The following CCDC192 variants were observed in gnomAD, a reference collection of about 807,000 sequenced individuals.
The protein encoded by CCDC192 is coiled-coil domain containing 192.
intron 5 of CCDC192, among the ~76,000 whole-genome samples, chr5:127,821,832 G>C (rs1183004272): frequency 1.3e-5 from 2 of 152,178 alleles, no homozygotes; most frequent in African/African-American, 4.8e-5. Context: ...GTGGTACCCA[G>C]AAAGTGTGCA....
chr5:127,833,496 A>G (rs1369621560), intron 5 of CCDC192, among the ~76,000 whole-genome samples: 1 of 152,144 alleles, frequency 6.6e-6, no homozygotes, highest in African/African-American at 2.4e-5. Context: ...TGTTCCATGT[A>G]TCCTCCTTAT....
chr5:127,851,519 A>G (rs990309005), intron 5 of CCDC192, among the ~76,000 whole-genome samples: 1 of 152,100 alleles, frequency 6.6e-6, no homozygotes, highest in Non-Finnish European at 1.5e-5. Context: ...GTGCAGTGGC[A>G]TGATCTCAGC....
chr5:127,862,957 G>T (rs973635552), intron 5 of CCDC192, among the ~76,000 whole-genome samples: 4 of 149,128 alleles, frequency 2.7e-5, no homozygotes, highest in African/African-American at 9.8e-5. Context: ...AAGGAGGAAG[G>T]CTCTAAGTGA....
At chr5:127,880,946 C>T (rs1752328791) in intron 6 of CCDC192, among the ~76,000 whole-genome samples, 1 of 152,174 alleles carries the variant, frequency 6.6e-6, no homozygotes, top group South Asian at 2.1e-4. Context: ...CACCACTGCA[C>T]TCCAGCCTGG....
At chr5:127,733,578 G>A (rs1012524144) in intron 2 of CCDC192, among the ~76,000 whole-genome samples, 1 of 152,080 alleles carries the variant, frequency 6.6e-6, no homozygotes, top group African/African-American at 2.4e-5. Flanking sequence ...AAGAATTATT[G>A]GAAAATATTA....
chr5:127,841,248 C>G (rs1309278733), intron 5 of CCDC192, among the ~76,000 whole-genome samples: 1 of 152,116 alleles, frequency 6.6e-6, no homozygotes, highest in Non-Finnish European at 1.5e-5. Flanking sequence ...TTTTGAGGCT[C>G]AAGAGAACAA....
At chr5:127,766,640 A>G (rs1338253920) in intron 3 of CCDC192, among the ~76,000 whole-genome samples, 1 of 148,528 alleles carries the variant, frequency 6.7e-6, no homozygotes, top group East Asian at 2.0e-4. Flanking sequence ...AAAAAGTACG[A>G]ACTCTAAAGT....
At chr5:127,790,714 G>C (rs914335770) in intron 3 of CCDC192, among the ~76,000 whole-genome samples, 5 of 152,140 alleles carry the variant, frequency 3.3e-5, no homozygotes, top group African/African-American at 9.7e-5. Flanking sequence ...TAGGCATTCT[G>C]CCTAAATTCA....
chr5:127,900,248 T>C (rs915555342), intron 6 of CCDC192, among the ~76,000 whole-genome samples: 7 of 152,226 alleles, frequency 4.6e-5, no homozygotes, highest in African/African-American at 1.7e-4. Context: ...TGCTCCTTCC[T>C]TTTCCTGGAG....
chr5:127,765,441 A>T (rs1032155884), intron 3 of CCDC192, among the ~76,000 whole-genome samples: 3 of 152,256 alleles, frequency 2.0e-5, no homozygotes, highest in African/African-American at 7.2e-5. Context: ...ACAAATTAAT[A>T]AAAGCACTTT....
intron 5 of CCDC192, among the ~76,000 whole-genome samples, chr5:127,803,609 A>G (rs1757624890): frequency 6.6e-6 from 1 of 152,184 alleles, no homozygotes; most frequent in Non-Finnish European, 1.5e-5. Flanking sequence ...ATTAGCGGGT[A>G]TAAGTGCTTA....
In CCDC192 at chr5:127,886,730, T is replaced by C. The variant is rs112327367; in HGVS notation, c.535+11069T>C. ...GCAGGCTATTAGTAGTTCAGTTCAGTTTTGGGGGTGTCAAAAGTTGTATGT... is the reference window on the plus strand; with the variant it reads ...GCAGGCTATTAGTAGTTCAGTTCAGCTTTGGGGGTGTCAAAAGTTGTATGT... On this transcript the variant is annotated intron_variant, in intron 6 of 6. Transcript: ENST00000514853. 3.8e-3 allele frequency among the ~76,000 whole-genome samples: 583 copies of C among 152,232 alleles called. 2 individuals carry two copies. The highest frequency in any genetic ancestry group is 0.013 in the African/African-American group (550 of 41,544).
intron 2 of CCDC192, among the ~76,000 whole-genome samples, chr5:127,740,797 T>A (rs1022020058): frequency 6.6e-6 from 1 of 152,162 alleles, no homozygotes; most frequent in Non-Finnish European, 1.5e-5. Flanking sequence ...TTCTATCACT[T>A]TACTCATGAG....
At chr5:127,889,878 TA>T (rs899799457) in intron 6 of CCDC192, among the ~76,000 whole-genome samples, 1 of 131,508 alleles carries the variant, frequency 7.6e-6, no homozygotes, top group African/African-American at 2.8e-5. Flanking sequence ...AACAGTTTTA[TA>T]AATTTTTTTT....
At chr5:127,731,101 T>C (rs975537266) in intron 2 of CCDC192, among the ~76,000 whole-genome samples, 1 of 152,210 alleles carries the variant, frequency 6.6e-6, no homozygotes, top group African/African-American at 2.4e-5. Context: ...GACATGATCC[T>C]ATATCTAGAA....
chr5:127,826,260 A>G (rs1561509822), intron 5 of CCDC192, among the ~76,000 whole-genome samples: 1 of 152,182 alleles, frequency 6.6e-6, no homozygotes, highest in Non-Finnish European at 1.5e-5. Context: ...CAGGATGGCT[A>G]TGGTTAAAAA....
chr5:127,772,784 A>G (rs532635330), intron 3 of CCDC192, among the ~76,000 whole-genome samples: 1 of 152,348 alleles, frequency 6.6e-6, no homozygotes, highest in East Asian at 1.9e-4. Context: ...GACAAGGCCA[A>G]GCTCTCCTGA....
At chr5:127,865,557 A>C (rs1028629014) in intron 5 of CCDC192, among the ~76,000 whole-genome samples, 2 of 151,516 alleles carry the variant, frequency 1.3e-5, no homozygotes, top group African/African-American at 2.4e-5. Flanking sequence ...TTAGACTCTA[A>C]GGTTTTAACT....
chr5:127,766,608 T>TAAAAAAAAAAAAAAAA (rs548715145), intron 3 of CCDC192, among the ~76,000 whole-genome samples: 1 of 98,954 alleles, frequency 1.0e-5, no homozygotes, highest in African/African-American at 3.9e-5. Flanking sequence ...ACGTCCTGTG[T>TAAAAAAAAAAAAAAAA]AAAAAAAAAA....
Sources: allele counts gnomAD v4.1 joint callset (sites outside exome capture counted in the v4.1 genomes callset), GRCh38; gene constraint gnomAD v4.1.1; transcripts MANE v1.5; gene names NCBI Gene and HGNC (gene_info 2026-07-23, HGNC 2026-07-21).